Variants in GDF1 observed in about 807,000 individuals in gnomAD.
GDF1 encodes the protein embryonic growth/differentiation factor 1.
A neutral mutation model predicts 7.4 loss-of-function variants in GDF1; 8 were observed. The observed-to-expected ratio is 1.09, with a 90% CI of 0.64 to 1.96. The LOEUF (loss-of-function observed/expected upper bound fraction) is 1.96, where lower values mean the gene tolerates loss of function less well. Ranked by LOEUF, GDF1 falls within the 30% of genes most tolerant of loss-of-function variation. GDF1 has a pLI of 0.00. For missense variants in GDF1, 574 were observed against 551.5 expected, an observed-to-expected ratio of 1.04 and a Z score of -0.41; for synonymous variants, 311 against 276.7, an observed-to-expected ratio of 1.12 and a Z score of -1.23.
rs1162659067 is a variant in GDF1 at position 18,870,163 on chromosome 19, G to A, written c.145C>T (p.Pro49Ser). 1 of 1,562,496 alleles carries A rather than the reference G, an allele frequency of 6.4e-7. No individual in the cohort carries two copies. The highest frequency in any genetic ancestry group is 1.8e-5 in the Admixed American group (1 of 54,252). Residue 49 changes from proline to serine, a missense_variant, in exon 7 of 8, where the codon CCC (proline) becomes TCC (serine). Pro to Ser is a moderately conservative substitution (Grantham distance 74). Coordinates refer to ENST00000247005, the MANE Select transcript of GDF1 (RefSeq NM_001492.6). This position sits in a 1 kb window ranked among gnomAD's most constrained non-coding sequence, Gnocchi z 5.1. Reference sequence around the variant, plus strand: ...GGCCGGAGCCTGGGGGCACCCTGGGGCTCATCGCGCAGTCCTAGAGCCTGG... The same window carrying A: ...GGCCGGAGCCTGGGGGCACCCTGGGACTCATCGCGCAGTCCTAGAGCCTGG... ...LLQALGLRDE[P>S]QGAPRLRPVP...
chr19:18,890,602 A>AC (rs770494004), intron 2 of GDF1, among the ~76,000 whole-genome samples: 35 of 150,910 alleles, frequency 2.3e-4, no homozygotes, highest in African/African-American at 6.6e-4. Context: ...ACATAGTGAG[A>AC]CCCCATCTCT....
In GDF1 at chr19:18,878,197, CGGCTCCTGCTCA is replaced by C; in HGVS notation, c.-313+721_-313+732del. ...CAGGGCCTTCCACAACCTCCTGCCC[CGGCTCCTGCTCA>C]AACACTCCTCACGTTGCCTATGAGA... On this transcript the variant is annotated intron_variant, in intron 6 of 7. Transcript: ENST00000247005. This position sits in a 1 kb window ranked among gnomAD's most constrained non-coding sequence, Gnocchi z 4.6. 1.0e-6 allele frequency: 1 copy of C among 985,608 alleles called. No homozygotes were observed. The highest frequency in any genetic ancestry group is 4.7e-5 in the South Asian group (1 of 21,278). 61.1% of individuals were successfully genotyped at this position (985,608 alleles called of 1,614,324 possible). A position where few individuals can be genotyped will look rare whatever the true frequency, so the allele number is the denominator to read the frequency against.
At chr19:18,871,315 C>T (rs2055966668) in intron 6 of GDF1, among the ~76,000 whole-genome samples, 1 of 151,506 alleles carries the variant, frequency 6.6e-6, no homozygotes, top group Non-Finnish European at 1.5e-5. Context: ...GAACCTCTGC[C>T]TCCTGAGTTC....
chr19:18,879,864 G>A (rs1174500822), intron 4 of GDF1, among the ~76,000 whole-genome samples: 2 of 147,580 alleles, frequency 1.4e-5, no homozygotes, highest in East Asian at 2.1e-4. Context: ...TCTCTGCCAG[G>A]TCTTCCCCAC....
intron 2 of GDF1, among the ~76,000 whole-genome samples, chr19:18,890,363 G>C (rs191066939): frequency 1.8e-3 from 269 of 152,374 alleles, no homozygotes; most frequent in South Asian, 3.5e-3. Flanking sequence ...CACACGGCCA[G>C]CTTCATGAGG....
intron 1 of GDF1, among the ~76,000 whole-genome samples, chr19:18,893,801 G>C (rs1171791922): frequency 1.3e-5 from 2 of 152,134 alleles, no homozygotes; most frequent in Non-Finnish European, 2.9e-5. Flanking sequence ...AGGGGAGTGA[G>C]GGGGGAGGCC....
chr19:18,879,074 A>G (rs762892224), intron 5 of GDF1, 35 bp from the exon 6 acceptor site: 3 of 1,607,308 alleles, frequency 1.9e-6, no homozygotes. Context: ...AGTGAGAAGA[A>G]AGCCCCCACG....
rs540900923 is a variant in GDF1, at chr19:18,878,392, C to T, written c.-313+538G>A. 281 of 987,356 alleles carry T rather than the reference C, an allele frequency of 2.8e-4. No homozygotes were observed. The highest frequency in any genetic ancestry group is 4.8e-4 in the Admixed American group (8 of 16,648). The allele number at this position is 987,356 out of a possible 1,614,324, so 61.2% of individuals were successfully genotyped here. On this transcript the variant is annotated intron_variant, in intron 6 of 7. Transcript: ENST00000247005. This position sits in a 1 kb window ranked among gnomAD's most constrained non-coding sequence, Gnocchi z 4.6. ...GCTATCTCCTTCCCCAGGACTCCCA[C>T]CTGGGCTGGACTGAGTCTGAGCTCC...
intron 2 of GDF1, among the ~76,000 whole-genome samples, chr19:18,891,352 G>GC (rs1428977814): frequency 6.6e-6 from 1 of 152,276 alleles, no homozygotes; most frequent in East Asian, 1.9e-4. Context: ...CTGGCCCACA[G>GC]CCCTGGTGGT....
Position 18,878,022 on chromosome 19 carries a change from GC to G in GDF1, c.-313+907del. On this transcript the variant is annotated intron_variant, in intron 6 of 7. Transcript: ENST00000247005. This position sits in a 1 kb window ranked among gnomAD's most constrained non-coding sequence, Gnocchi z 4.6. ...TCTGACGCTCCTCTGCCTGGCTACA[GC>G]CCCGGATGTGTTAAATGTCTGCATC... The G allele has an allele frequency of 3.0e-6, 3 of 985,450 alleles. No homozygotes were observed. The highest frequency in any genetic ancestry group is 3.6e-6 in the Non-Finnish European group (3 of 829,962). 61.0% of individuals were successfully genotyped at this position (985,450 alleles called of 1,614,324 possible). A position where few individuals can be genotyped will look rare whatever the true frequency, so the allele number is the denominator to read the frequency against.
intron 4 of GDF1, 50 bp downstream of exon 4, chr19:18,880,224 A>C: frequency 6.8e-7 from 1 of 1,469,338 alleles, no homozygotes; most frequent in Non-Finnish European, 9.1e-7. Context: ...GGACACACCC[A>C]CCTCACCAGG....
intron 6 of GDF1, among the ~76,000 whole-genome samples, chr19:18,873,327 G>C (rs952542910): frequency 6.6e-6 from 1 of 152,012 alleles, no homozygotes; most frequent in African/African-American, 2.4e-5. Flanking sequence ...ATTAAGTGTG[G>C]GTAGAGAAAG....
intron 3 of GDF1, among the ~76,000 whole-genome samples, chr19:18,880,966 T>C (rs1028784813): frequency 3.9e-5 from 6 of 152,162 alleles, no homozygotes; most frequent in African/African-American, 1.4e-4. Flanking sequence ...CCCAAAGTGC[T>C]GGGATTACAG....
intron 3 of GDF1, among the ~76,000 whole-genome samples, chr19:18,880,911 A>C (rs1328286815): frequency 6.6e-6 from 1 of 152,130 alleles, no homozygotes; most frequent in African/African-American, 2.4e-5. Context: ...GTTGCCCAGA[A>C]TGGCCTCAAA....
intron 4 of GDF1, 141 bp downstream of exon 4, chr19:18,880,133 C>A: frequency 6.8e-6 from 5 of 732,818 alleles, no homozygotes; most frequent in Admixed American, 3.1e-5. Flanking sequence ...CCACCCAAAT[C>A]ATGAGGCCCC....
intron 2 of GDF1, among the ~76,000 whole-genome samples, chr19:18,888,784 C>T (rs1033749305): frequency 5.9e-5 from 9 of 151,404 alleles, no homozygotes; most frequent in African/African-American, 2.2e-4. Context: ...GAGCCAAGAT[C>T]GTGGCATTGT....
At chr19:18,889,455 C>G (rs916604077) in intron 2 of GDF1, among the ~76,000 whole-genome samples, 1 of 152,056 alleles carries the variant, frequency 6.6e-6, no homozygotes, top group African/African-American at 2.4e-5. Context: ...CTCACTCTGT[C>G]AACCTGGCTG....
At position 18,868,665 on chromosome 19, in the gene GDF1, CAAAG is replaced by C. The variant is rs768027510; in HGVS notation, c.1047_1050del (p.Phe349LeufsTer35). 9.5e-5 allele frequency: 150 copies of C among 1,574,596 alleles called. No homozygotes were observed. The highest frequency in any genetic ancestry group is 1.1e-4 in the Non-Finnish European group (131 of 1,160,152). ...CGCAGCACCACGTTGTCGCTGTTGT[CAAAG>C]AAGAGCACGGAGATGGGCGACAGGC... is the stretch of plus-strand genomic sequence containing the variant. On this transcript the variant is annotated frameshift_variant, in exon 8 of 8. Coordinates refer to ENST00000247005, the MANE Select transcript of GDF1 (RefSeq NM_001492.6). LOFTEE classifies it low-confidence loss of function (END_TRUNC).
At chr19:18,871,351 T>C (rs1453588966) in intron 6 of GDF1, among the ~76,000 whole-genome samples, 2 of 151,646 alleles carry the variant, frequency 1.3e-5, no homozygotes, top group Non-Finnish European at 2.9e-5. Context: ...CTCAGCCTCC[T>C]GAGTAGTGTG....
Sources: allele counts gnomAD v4.1 joint callset (sites outside exome capture counted in the v4.1 genomes callset), GRCh38; gene constraint gnomAD v4.1.1; non-coding constraint Gnocchi (gnomAD v3.1); transcripts MANE v1.5; gene names NCBI Gene and HGNC (gene_info 2026-07-23, HGNC 2026-07-21).